Variants in SERPINB5 observed in about 807,000 individuals in gnomAD.
SERPINB5 encodes serpin family B member 5.
A neutral mutation model predicts 32.2 loss-of-function variants in SERPINB5; 27 were observed. That is an observed-to-expected ratio of 0.84 (90% CI 0.62 to 1.16). The LOEUF (loss-of-function observed/expected upper bound fraction) is 1.16. SERPINB5 is among the 50% of genes most tolerant of loss of function. The pLI is 0.00. For synonymous variants in SERPINB5, 154 were observed against 157.4 expected (o/e 0.98, Z 0.16); for missense variants, 388 against 436.3 (o/e 0.89, Z 0.99).
chr18:63,503,650 T>A lies in SERPINB5; in HGVS notation c.1056T>A (p.His352Gln). Residue 352 changes from histidine to glutamine, a missense_variant, in exon 7 of 7, where the codon CAT becomes CAA. By Grantham distance (24) the His-to-Gln change is conservative. Coordinates refer to ENST00000382771, the MANE Select transcript of SERPINB5 (RefSeq NM_002639.5). ...LQHKDELNAD[H>Q]PFIYIIRHNK... is the part of the protein sequence containing the mutation. ...ACAAGGATGAATTGAATGCTGACCA[T>A]CCCTTTATTTACATCATCAGGCACA... 1 of 1,614,214 alleles carries A rather than the reference T, an allele frequency of 6.2e-7. No homozygotes were observed. Among genetic ancestry groups the A allele is most frequent in the African/African-American group, 1.3e-5 (1 of 75,074 alleles).
intron 5 of SERPINB5, among the ~76,000 whole-genome samples, chr18:63,494,495 CT>C (rs1909408746): frequency 6.6e-6 from 1 of 152,068 alleles, no homozygotes; most frequent in African/African-American, 2.4e-5. Context: ...GGAAGCAGCA[CT>C]TCAGTTAGTA....
Position 63,493,075 on chromosome 18 carries a change from T to C in SERPINB5, c.547T>C (p.Cys183Arg), listed in dbSNP as rs140393612. The change falls in exon 5 of 7, where the codon TGT becomes CGT. Residue 183 changes from cysteine (C) to arginine (R), a missense_variant. Transcript: ENST00000382771. ...ATTTTCTGAATCAGAAACAAAAGAA[T>C]GTCCTTTCAGAGTCAACAAGGTATG... Reference protein sequence around the residue: ...KKFSESETKECPFRVNKTDTK... With the variant: ...KKFSESETKERPFRVNKTDTK... The C allele has an allele frequency of 6.2e-4, 996 of 1,614,178 alleles. No homozygotes were observed. The highest frequency in any genetic ancestry group is 3.5e-3 in the Middle Eastern group (21 of 6,060).
chr18:63,477,321 G>C (rs938031001), intron 1 of SERPINB5: 1 of 152,154 alleles, frequency 6.6e-6, no homozygotes, highest in African/African-American at 2.4e-5. Context: ...CACGTGGCTC[G>C]GAGGTTTTGG....
In SERPINB5 at chr18:63,504,032, C is replaced by T. The variant is rs989262876; in HGVS notation, c.*310C>T. On this transcript the variant is annotated 3_prime_UTR_variant, in exon 7 of 7. Transcript: ENST00000382771. ...GGGTAGTTGGCAGAAATACAGTCTT[C>T]CACAAAGAAAATTCCTATAAGGAAG... is the stretch of plus-strand genomic sequence containing the variant. 6 of 302,990 alleles carry T rather than the reference C, an allele frequency of 2.0e-5. No homozygotes were observed. Among genetic ancestry groups the T allele is most frequent in the Non-Finnish European group, 3.6e-5 (6 of 164,840 alleles). 18.8% of individuals were successfully genotyped at this position (302,990 alleles called of 1,614,324 possible).
At chr18:63,477,830 G>A (rs917965326) in intron 1 of SERPINB5, among the ~76,000 whole-genome samples, 5 of 152,168 alleles carry the variant, frequency 3.3e-5, no homozygotes, top group Non-Finnish European at 5.9e-5. Context: ...AGAGCTGGGG[G>A]CTCTTAGACA....
chr18:63,498,333 TC>T lies in SERPINB5; in HGVS notation c.568-784del, dbSNP rs1364952664. Among the ~76,000 whole-genome samples, 1 of 152,120 alleles carries T rather than the reference TC, an allele frequency of 6.6e-6. No individual in the cohort carries two copies. The highest frequency in any genetic ancestry group is 1.5e-5 in the Non-Finnish European group (1 of 68,024). Reference sequence around the variant, plus strand: ...CTTGAACTCCTGACCTCAAGTGGTCTCCCAAGGTGCAGGATTACAGGCATGA... The same window carrying T: ...CTTGAACTCCTGACCTCAAGTGGTCTCCAAGGTGCAGGATTACAGGCATGA... On this transcript the variant is annotated intron_variant, in intron 5 of 6. Coordinates refer to ENST00000382771, the MANE Select transcript of SERPINB5 (RefSeq NM_002639.5). The surrounding 1 kb of genome is among the most constrained non-coding windows in gnomAD (Gnocchi z 4.2).
chr18:63,485,540 T>C (rs2000714), intron 2 of SERPINB5: 75,178 of 152,014 alleles, frequency 0.49, 20,242 homozygotes, highest in Non-Finnish European at 0.62. Flanking sequence ...TTCACTCCTG[T>C]GAAGAGGAGA....
chr18:63,493,074 A>G lies in SERPINB5; in HGVS notation c.546A>G (p.Glu182=), dbSNP rs1388305374. The G allele has an allele frequency of 1.2e-6, 2 of 1,614,222 alleles. No individual in the cohort carries two copies. The highest frequency in any genetic ancestry group is 2.7e-5 in the African/African-American group (2 of 75,042). ...AATTTTCTGAATCAGAAACAAAAGA[A>G]TGTCCTTTCAGAGTCAACAAGGTAT... is the stretch of plus-strand genomic sequence containing the variant. ...MKKFSESETK[E]CPFRVNKTDT... Residue 182 remains glutamate, a synonymous_variant, in exon 5 of 7, where the codon GAA becomes GAG. Transcript: ENST00000382771.
At chr18:63,494,252 G>T (rs1447254873) in intron 5 of SERPINB5, among the ~76,000 whole-genome samples, 2 of 145,442 alleles carry the variant, frequency 1.4e-5, no homozygotes, top group Non-Finnish European at 3.0e-5. Context: ...AACCCAGGAG[G>T]CAGAGGTTGC....
chr18:63,487,012 A>T lies in SERPINB5; in HGVS notation c.235A>T (p.Lys79Ter). The change falls in exon 3 of 7, where the codon AAA becomes TAA. Residue 79 changes from lysine (K) to a stop codon, truncating the protein, a stop_gained. Transcript: ENST00000382771. LOFTEE classifies it high-confidence loss of function. Reference protein sequence around the residue: ...GFQTVTSDVNKLSSFYSLKLI... With the variant: ...GFQTVTSDVN The stretch of plus-strand genomic sequence containing the variant: ...TCAAACAGTAACATCGGATGTAAAC[A>T]AACTTAGTTCCTTTTACTCACTGAA... 6.2e-7 allele frequency: 1 copy of T among 1,614,166 alleles called. No individual in the cohort carries two copies. Among genetic ancestry groups the T allele is most frequent in the East Asian group, 2.2e-5 (1 of 44,882 alleles).
intron 2 of SERPINB5, chr18:63,485,887 T>C (rs1328433903): frequency 6.5e-6 from 1 of 152,882 alleles, no homozygotes; most frequent in African/African-American, 2.4e-5. Context: ...GTTATCTGGG[T>C]TGTGGAATCA....
At chr18:63,500,051 T>C (rs1391430817) in intron 6 of SERPINB5, among the ~76,000 whole-genome samples, 1 of 151,872 alleles carries the variant, frequency 6.6e-6, no homozygotes, top group Non-Finnish European at 1.5e-5. Flanking sequence ...TCTTGCTCCA[T>C]TGCCCAGGCT....
chr18:63,492,671 GAC>G (rs1909365443), intron 4 of SERPINB5, among the ~76,000 whole-genome samples: 1 of 152,186 alleles, frequency 6.6e-6, no homozygotes, highest in Non-Finnish European at 1.5e-5. Context: ...TATACTGCCT[GAC>G]ACAGAATAGG....
At chr18:63,499,405 C>A in intron 6 of SERPINB5, 118 bp downstream of exon 6, 1 of 790,382 alleles carries the variant, frequency 1.3e-6, no homozygotes, top group Non-Finnish European at 1.8e-6. Context: ...TTGCCACTGG[C>A]TCAGTCACCT....
At position 63,503,621 on chromosome 18, in the gene SERPINB5, C is replaced by T; in HGVS notation, c.1027C>T (p.Gln343Ter). 2.5e-6 allele frequency: 4 copies of T among 1,614,108 alleles called. No individual in the cohort carries two copies. The South Asian group carries it at 3.3e-5, about 13-fold the overall frequency. The change falls in exon 7 of 7, where the codon CAG (glutamine) becomes TAG (stop). Residue 343 changes from glutamine to a stop codon, truncating the protein, a stop_gained. Coordinates refer to ENST00000382771, the MANE Select transcript of SERPINB5 (RefSeq NM_002639.5). LOFTEE classifies it high-confidence loss of function. Reference sequence around the variant, plus strand: ...AGAGGTGCCAGGAGCACGGATCCTGCAGCACAAGGATGAATTGAATGCTGA... The same window carrying T: ...AGAGGTGCCAGGAGCACGGATCCTGTAGCACAAGGATGAATTGAATGCTGA... ...SIEVPGARILQHKDELNADHP... is the reference protein window; with the variant it reads ...SIEVPGARIL
Position 63,489,336 on chromosome 18 carries a change from A to C in SERPINB5, c.307-11A>C, listed in dbSNP as rs769472826. ...TACAGACTCTGATTTTATGAACTGCATGTTTTTCAGGAGTTCATCAGCTCT... is the reference window on the plus strand; with the variant it reads ...TACAGACTCTGATTTTATGAACTGCCTGTTTTTCAGGAGTTCATCAGCTCT... On this transcript the variant is annotated splice_polypyrimidine_tract_variant and intron_variant, in intron 3 of 6. Transcript: ENST00000382771. 44 of 1,455,582 alleles carry C rather than the reference A, an allele frequency of 3.0e-5. No homozygotes were observed. The highest frequency in any genetic ancestry group is 7.1e-5 in the Admixed American group (4 of 56,432). The allele number at this position is 1,455,582 out of a possible 1,614,324, so 90.2% of individuals were successfully genotyped here.
intron 4 of SERPINB5, among the ~76,000 whole-genome samples, chr18:63,490,312 C>A (rs566674691): frequency 6.6e-6 from 1 of 152,118 alleles, no homozygotes; most frequent in Non-Finnish European, 1.5e-5. Context: ...GTTCTTTCTC[C>A]GGCTCAGTGC....
Position 63,503,965 on chromosome 18 carries a change from G to C in SERPINB5, c.*243G>C. ...TACGCTTTTAATGAAAAGGAATCAC[G>C]TTAGAGGAAAAATATTTATTCATTA... On this transcript the variant is annotated 3_prime_UTR_variant, in exon 7 of 7. Transcript: ENST00000382771. 1 of 479,656 alleles carries C rather than the reference G, an allele frequency of 2.1e-6. No homozygotes were observed. The highest frequency in any genetic ancestry group is 3.6e-6 in the Non-Finnish European group (1 of 274,816). The allele number at this position is 479,656 out of a possible 1,614,324, so 29.7% of individuals were successfully genotyped here.
chr18:63,481,096 A>G (rs1917120070), intron 1 of SERPINB5, among the ~76,000 whole-genome samples: 1 of 152,262 alleles, frequency 6.6e-6, no homozygotes, highest in Admixed American at 6.5e-5. Flanking sequence ...GCACTGATTT[A>G]CATCTCCAAC....
Sources: gnomAD v4.1 joint callset for allele counts (sites outside exome capture counted in the v4.1 genomes callset) on GRCh38, gnomAD v4.1.1 for gene constraint, Gnocchi (gnomAD v3.1) non-coding constraint, MANE v1.5 for transcripts, NCBI Gene and HGNC (gene_info 2026-07-23, HGNC 2026-07-21) for gene names.